MARF1: variants seen among roughly 807,000 people sequenced by gnomAD.
MARF1 encodes the protein limkain-b1.
Under a neutral mutation model 168.2 loss-of-function variants are expected in MARF1, and 24 were observed. The ratio of observed to expected loss-of-function variants is 0.14; its 90% CI spans 0.10 to 0.20. The LOEUF (loss-of-function observed/expected upper bound fraction) is 0.20, where lower values mean the gene tolerates loss of function less well. Ranked by LOEUF, MARF1 falls within the 10% of genes least tolerant of loss-of-function variation. The probability of loss-of-function intolerance (pLI) is 1.00; values close to 1 mark genes in which losing one functional copy is unlikely to be tolerated. For missense variants in MARF1, 1,744 were observed against 2,143.6 expected (o/e 0.81, Z 3.68); for synonymous variants, 868 against 822.4 (o/e 1.06, Z -0.95).
intron 10 of MARF1, 115 bp downstream of exon 10, chr16:15,624,654 G>A (rs953657569): frequency 2.1e-6 from 2 of 962,006 alleles, no homozygotes; most frequent in Middle Eastern, 3.2e-4. Context: ...GAAGAGTGAT[G>A]GGAGACTTAC....
At chr16:15,638,187 T>C (rs1195182743) in intron 2 of MARF1, among the ~76,000 whole-genome samples, 1 of 151,754 alleles carries the variant, frequency 6.6e-6, no homozygotes, top group African/African-American at 2.4e-5. Flanking sequence ...CAAATAAAAG[T>C]TGTTAATACC....
intron 2 of MARF1, 69 bp downstream of exon 2, chr16:15,639,021 G>T: frequency 6.7e-7 from 1 of 1,501,114 alleles, no homozygotes; most frequent in Non-Finnish European, 9.0e-7. Context: ...CTGTATCCCA[G>T]ACCAAATGGA....
At chr16:15,608,711 G>T in intron 20 of MARF1, 193 bp from the exon 21 acceptor site, 1 of 579,282 alleles carries the variant, frequency 1.7e-6, no homozygotes, top group Non-Finnish European at 3.1e-6. Flanking sequence ...GACCACTACT[G>T]GACAGGAGAT....
chr16:15,598,977 G>A lies in MARF1; in HGVS notation c.4861C>T (p.Pro1621Ser), dbSNP rs199753421. 4.3e-6 allele frequency: 7 copies of A among 1,611,862 alleles called. No individual in the cohort carries two copies. Among genetic ancestry groups the A allele is most frequent in the Non-Finnish European group, 5.9e-6 (7 of 1,178,954 alleles). The change falls in exon 26 of 27, where the codon CCC (proline) becomes TCC (serine). Residue 1621 changes from proline to serine, a missense_variant. Physicochemically the swap from Pro to Ser is moderately conservative, Grantham distance 74 (BLOSUM62 -1). Around this residue, in one of 7 missense-constraint regions of MARF1, gnomAD observed 313 missense variants for 337.4 expected, o/e 0.93. Coordinates refer to ENST00000396368, the MANE Select transcript of MARF1 (RefSeq NM_014647.4). ...QELLRLTDDS[P>S]VDLLCAPVPS... ...ACAGGCGCACACAGGAGGTCGACGG[G>A]GGAGTCGTCGGTCAGGCGGAGAAGC...
intron 11 of MARF1, among the ~76,000 whole-genome samples, chr16:15,622,189 T>TTA (rs565115413): frequency 3.3e-4 from 51 of 152,240 alleles, no homozygotes; most frequent in African/African-American, 1.0e-3. Flanking sequence ...TTTGGGGTCT[T>TTA]TTCTAGACTC....
chr16:15,596,850 C>A lies in MARF1; in HGVS notation c.5072G>T (p.Cys1691Phe). The change falls in exon 27 of 27, where the codon TGC becomes TTC. Residue 1691 changes from cysteine to phenylalanine, a missense_variant. Transcript: ENST00000396368. ...AGGCACGGGGACAGCTGCTGAGATG[C>A]AGGACGAGCTGGAGTCAGAGGTCAG... ...KTLTSDSSSS[C>F]ISAAVPVPPC... 1 of 1,614,104 alleles carries A rather than the reference C, an allele frequency of 6.2e-7. No homozygotes were observed. The highest frequency in any genetic ancestry group is 1.3e-5 in the African/African-American group (1 of 75,028).
intron 16 of MARF1, among the ~76,000 whole-genome samples, chr16:15,613,297 CT>C (rs1318675787): frequency 6.6e-6 from 1 of 152,112 alleles, no homozygotes; most frequent in Non-Finnish European, 1.5e-5. Flanking sequence ...TTTGCACCAT[CT>C]TGACTGCTTA....
chr16:15,642,182 CTT>C (rs933676155), intron 1 of MARF1, among the ~76,000 whole-genome samples: 3 of 152,176 alleles, frequency 2.0e-5, no homozygotes, highest in African/African-American at 7.2e-5. Flanking sequence ...CCAATCTAGT[CTT>C]TGACCCCACA....
chr16:15,612,490 T>C, intron 17 of MARF1, 67 bp downstream of exon 17: 2 of 1,363,232 alleles, frequency 1.5e-6, no homozygotes, highest in Non-Finnish European at 2.1e-6. Flanking sequence ...GTTTCTTTGA[T>C]GGAGGCAGCC....
In MARF1 at chr16:15,600,653, T is replaced by A. The variant is rs1168445058; in HGVS notation, c.4675A>T (p.Asn1559Tyr). 1 of 1,613,904 alleles carries A rather than the reference T, an allele frequency of 6.2e-7. No individual in the cohort carries two copies. The highest frequency in any genetic ancestry group is 8.5e-7 in the Non-Finnish European group (1 of 1,180,034). ...HGHKRIVVLK[N>Y]DMKSRLSSLS... Reference sequence around the variant, plus strand: ...GGTGCTTACTTACTTTTCATGTCATTTTTTAACACTACAATTCTCTTATGA... The same window carrying A: ...GGTGCTTACTTACTTTTCATGTCATATTTTAACACTACAATTCTCTTATGA... The change falls in exon 24 of 27, where the codon AAT becomes TAT. Residue 1559 changes from asparagine (N) to tyrosine (Y), a missense_variant. Asn to Tyr is a moderately radical substitution (Grantham distance 143). Around this residue, in one of 7 missense-constraint regions of MARF1, gnomAD observed 313 missense variants for 337.4 expected, o/e 0.93. Transcript: ENST00000396368.
chr16:15,605,498 T>TTA (rs2032931611), intron 21 of MARF1, among the ~76,000 whole-genome samples: 1 of 152,068 alleles, frequency 6.6e-6, no homozygotes, highest in African/African-American at 2.4e-5. Context: ...AGAAGCGGGT[T>TTA]TAATCAACCA....
intron 23 of MARF1, chr16:15,601,703 TGAC>T (rs1283836892): frequency 7.7e-6 from 4 of 516,362 alleles, no homozygotes; most frequent in Non-Finnish European, 1.0e-5. Flanking sequence ...CTGACCGCCC[TGAC>T]TAGTTGCCTG....
chr16:15,616,813 C>T (rs1212494784), intron 15 of MARF1: 4 of 476,202 alleles, frequency 8.4e-6, no homozygotes, highest in African/African-American at 3.9e-5. Flanking sequence ...ATCTAATCAT[C>T]GAAAGGTCTA....
In MARF1 at chr16:15,617,535, C is replaced by G. The variant is rs1356417315; in HGVS notation, c.2721G>C (p.Lys907Asn). The G allele has an allele frequency of 6.2e-7, 1 of 1,600,690 alleles. No homozygotes were observed. Among genetic ancestry groups the G allele is most frequent in the Admixed American group, 1.7e-5 (1 of 59,044 alleles). The change falls in exon 14 of 27, where the codon AAG becomes AAC. Residue 907 changes from lysine to asparagine, a missense_variant and splice_region_variant. Transcript: ENST00000396368. The part of the protein sequence containing the change: ...LFKFTDIYEK[K>N]FGHKLNVSDL... Reference sequence around the variant, plus strand: ...CTGACACATTCAACTTGTGTCCAAACCTAAAAGCAAGAGAAGAGAGACGCT... The same window carrying G: ...CTGACACATTCAACTTGTGTCCAAAGCTAAAAGCAAGAGAAGAGAGACGCT...
chr16:15,597,702 G>A (rs574542196), intron 26 of MARF1, among the ~76,000 whole-genome samples: 7 of 152,324 alleles, frequency 4.6e-5, no homozygotes, highest in South Asian at 2.1e-4. Flanking sequence ...AGAGAAGAGC[G>A]GCTGACAGAA....
chr16:15,627,706 A>G (rs1378935083), intron 7 of MARF1, among the ~76,000 whole-genome samples: 2 of 152,230 alleles, frequency 1.3e-5, no homozygotes, highest in Admixed American at 1.3e-4. Context: ...TTAAATCCAG[A>G]AACCATAAGA....
At chr16:15,608,917 A>C (rs908985646) in intron 20 of MARF1, among the ~76,000 whole-genome samples, 1 of 152,224 alleles carries the variant, frequency 6.6e-6, no homozygotes, top group Admixed American at 6.5e-5. Context: ...AAGGATTTTA[A>C]AAGTATAAAA....
chr16:15,640,523 G>A (rs1273370664), intron 1 of MARF1, among the ~76,000 whole-genome samples: 3 of 152,162 alleles, frequency 2.0e-5, no homozygotes, highest in Non-Finnish European at 4.4e-5. Context: ...GGGCAACATG[G>A]CAAAACCCCA....
chr16:15,603,439 G>C (rs984657195), intron 22 of MARF1, among the ~76,000 whole-genome samples: 7 of 152,068 alleles, frequency 4.6e-5, no homozygotes, highest in Non-Finnish European at 4.4e-5. Context: ...CTTCTTAGTA[G>C]CTGGGATTAT....
Sources: allele counts gnomAD v4.1 joint callset (sites outside exome capture counted in the v4.1 genomes callset), GRCh38; gene constraint gnomAD v4.1.1; regional missense constraint gnomAD v4.1.1; transcripts MANE v1.5; gene names NCBI Gene and HGNC (gene_info 2026-07-23, HGNC 2026-07-21).